Variants in RIOX2 observed in about 807,000 individuals in gnomAD.
RIOX2 encodes the protein 60S ribosomal protein L27a histidine hydroxylase.
Under a neutral mutation model 51.2 loss-of-function variants are expected in RIOX2, and 43 were observed. The observed-to-expected ratio is 0.84, with a 90% CI of 0.66 to 1.08. The LOEUF is 1.08. Among genes scored for constraint, RIOX2 ranks in the 50% least tolerant of loss-of-function variants. The pLI is 0.00. For missense variants in RIOX2, 566 were observed against 561.7 expected, an observed-to-expected ratio of 1.01 and a Z score of -0.08; for synonymous variants, 226 against 218.5, an observed-to-expected ratio of 1.03 and a Z score of -0.30.
At chr3:97,961,025 T>G (rs1013062231) in intron 3 of RIOX2, among the ~76,000 whole-genome samples, 1 of 152,306 alleles carries the variant, frequency 6.6e-6, no homozygotes, top group Non-Finnish European at 1.5e-5. Context: ...CACCTTATAT[T>G]AGGACAAAAA....
chr3:97,943,411 C>A lies in RIOX2; in HGVS notation c.*1773G>T. Reference sequence around the variant, plus strand: ...CGTGGAAAGGAAGCTACTGTCCTCACACTCCTGGATCACTGAGCAGAATGA... The same window carrying A: ...CGTGGAAAGGAAGCTACTGTCCTCAAACTCCTGGATCACTGAGCAGAATGA... On this transcript the variant is annotated 3_prime_UTR_variant, in exon 10 of 10. Transcript: ENST00000394198. 1.4e-6 allele frequency: 1 copy of A among 720,560 alleles called. No individual in the cohort carries two copies. Among genetic ancestry groups the A allele is most frequent in the Non-Finnish European group, 2.4e-6 (1 of 411,760 alleles). The allele number at this position is 720,560 out of a possible 1,614,324, so 44.6% of individuals were successfully genotyped here. A position where few individuals can be genotyped will look rare whatever the true frequency, so the allele number is the denominator to read the frequency against.
At chr3:97,971,717 G>A (rs553208257) in intron 1 of RIOX2, 4 of 152,256 alleles carry the variant, frequency 2.6e-5, no homozygotes, top group East Asian at 1.9e-4. Context: ...CATGAAACCC[G>A]AGGCACCAGA....
At position 97,943,288 on chromosome 3, in the gene RIOX2, C is replaced by G; in HGVS notation, c.*1896G>C. ...TCAGCCCCTGGAGGGAGAAGAAACA[C>G]AGAAATGGGACATTGAAATATTGTG... On this transcript the variant is annotated 3_prime_UTR_variant, in exon 10 of 10. Transcript: ENST00000394198. 1 of 1,584,300 alleles carries G rather than the reference C, an allele frequency of 6.3e-7. No homozygotes were observed. Among genetic ancestry groups the G allele is most frequent in the Non-Finnish European group, 8.7e-7 (1 of 1,154,590 alleles).
chr3:97,958,814 T>C (rs1375129086), intron 4 of RIOX2, among the ~76,000 whole-genome samples: 2 of 152,172 alleles, frequency 1.3e-5, no homozygotes, highest in Non-Finnish European at 2.9e-5. Context: ...ACAGGTTATT[T>C]GGGAAATGAA....
intron 5 of RIOX2, among the ~76,000 whole-genome samples, chr3:97,952,752 T>C (rs1245064340): frequency 6.6e-6 from 1 of 152,002 alleles, no homozygotes; most frequent in East Asian, 1.9e-4. Flanking sequence ...TAGCCTGGAG[T>C]TTCTAGGACT....
chr3:97,947,805 T>C (rs546954487), intron 7 of RIOX2, among the ~76,000 whole-genome samples: 2 of 152,336 alleles, frequency 1.3e-5, no homozygotes, highest in South Asian at 4.1e-4. Flanking sequence ...CTCTACAAGC[T>C]TCTCGCTCAA....
At chr3:97,970,183 A>G (rs1377928229) in intron 1 of RIOX2, among the ~76,000 whole-genome samples, 1 of 152,246 alleles carries the variant, frequency 6.6e-6, no homozygotes, top group African/African-American at 2.4e-5. Context: ...AAAACACTTA[A>G]GCCAAAATAA....
At chr3:97,960,086 C>T (rs755002357) in intron 3 of RIOX2, among the ~76,000 whole-genome samples, 3 of 152,168 alleles carry the variant, frequency 2.0e-5, no homozygotes, top group Non-Finnish European at 2.9e-5. Context: ...CTCAACAGTT[C>T]TTGTGTATTT....
At chr3:97,949,736 A>T in intron 7 of RIOX2, 108 bp downstream of exon 7, 1 of 1,000,110 alleles carries the variant, frequency 1.0e-6, no homozygotes, top group Non-Finnish European at 1.5e-6. Context: ...CCACATTAAC[A>T]CGAAAGCACT....
Position 97,954,493 on chromosome 3 carries a change from C to T in RIOX2, c.684G>A (p.Pro228=), listed in dbSNP as rs138253657. The change falls in exon 5 of 10, where the codon CCG becomes CCA. Residue 228 remains proline, a splice_region_variant and synonymous_variant. Transcript: ENST00000394198. ...CTCTGGGAAAGTACAACAAATCACC[C>T]GGCTAAAGGAAGGAATAGGAAAGGG... is the stretch of plus-strand genomic sequence containing the variant. ...GRPVHEFMLK[P]GDLLYFPRGT... is the part of the protein sequence containing the mutation. 1.9e-5 allele frequency: 30 copies of T among 1,613,384 alleles called. No homozygotes were observed. Among genetic ancestry groups the T allele is most frequent in the South Asian group, 5.5e-5 (5 of 90,978 alleles).
intron 5 of RIOX2, 30 bp from the exon 6 acceptor site, chr3:97,950,918 A>C (rs768172793): frequency 2.6e-6 from 4 of 1,516,462 alleles, no homozygotes; most frequent in South Asian, 2.2e-5. Context: ...GGAAAAAAAA[A>C]CCAAAACAGT....
intron 5 of RIOX2, chr3:97,952,297 T>C (rs375690002): frequency 1.7e-6 from 2 of 1,169,220 alleles, no homozygotes; most frequent in Non-Finnish European, 2.3e-6. Context: ...ACATTGATCA[T>C]GGTACCCACC....
Position 97,962,371 on chromosome 3 carries a change from C to T in RIOX2, c.433-663G>A, listed in dbSNP as rs7647389. The stretch of plus-strand genomic sequence containing the variant: ...GAATGCTAAGACCCCCCCCCCCCCC[C>T]CCACATGGAGATGTCTTTAAGTCGG... On this transcript the variant is annotated intron_variant, in intron 2 of 9. Transcript: ENST00000394198. Among the ~76,000 whole-genome samples, 10 of 118,402 alleles carry T rather than the reference C, an allele frequency of 8.4e-5. 1 individual carries two copies. Among genetic ancestry groups the T allele is most frequent in the Admixed American group, 3.3e-4 (4 of 12,196 alleles). 77.7% of individuals were successfully genotyped at this position (118,402 alleles called of 152,430 possible).
At position 97,959,187 on chromosome 3, in the gene RIOX2, C is replaced by T. The variant is rs762899401; in HGVS notation, c.553-8G>A. ...CAGCTGCAGGATGAAAACCTAGAGA[C>T]CCACAAGGCCCAGGAGCATCAGAGA... is the stretch of plus-strand genomic sequence containing the variant. On this transcript the variant is annotated splice_polypyrimidine_tract_variant and splice_region_variant and intron_variant, in intron 3 of 9. Coordinates refer to ENST00000394198, the MANE Select transcript of RIOX2 (RefSeq NM_153182.4). 2 of 1,611,968 alleles carry T rather than the reference C, an allele frequency of 1.2e-6. No individual in the cohort carries two copies. The highest frequency in any genetic ancestry group is 1.3e-5 in the African/African-American group (1 of 74,836).
Position 97,942,306 on chromosome 3 carries a change from TG to T in RIOX2, c.*2877del, listed in dbSNP as rs2040248952. The T allele has an allele frequency of 1.2e-6, 2 of 1,610,560 alleles. No homozygotes were observed. On this transcript the variant is annotated 3_prime_UTR_variant, in exon 10 of 10. Transcript: ENST00000394198. ...TAGGCCAGTGATACATGTCTTGATG[TG>T]ATTGGTGGCCGGGACACACCTGGAG...
rs768796973 is a variant in RIOX2 at position 97,942,436 on chromosome 3, T to C, written c.*2748A>G. 3.1e-6 allele frequency: 5 copies of C among 1,609,520 alleles called. No individual in the cohort carries two copies. The highest frequency in any genetic ancestry group is 4.2e-6 in the Non-Finnish European group (5 of 1,177,338). ...ATCTCAGTGATCAACTTGTCCTTGA[T>C]GTTAAAGGTGGGCCTTTGATGATAC... On this transcript the variant is annotated 3_prime_UTR_variant, in exon 10 of 10. Transcript: ENST00000394198.
rs759303274 is a variant in RIOX2 at position 97,949,887 on chromosome 3, G to C, written c.1017C>G (p.Leu339=). Residue 339 remains leucine, a synonymous_variant, in exon 7 of 10, where the codon CTC becomes CTG. Coordinates refer to ENST00000394198, the MANE Select transcript of RIOX2 (RefSeq NM_153182.4). The part of the protein sequence containing the change: ...DMKKDFIMHR[L]PPYSAGDGAE... ...CCCCATCTCCCGCAGAGTAAGGGGG[G>C]AGTCTGTGCATAATAAAATCCTTCT... 1.2e-6 allele frequency: 2 copies of C among 1,613,744 alleles called. No homozygotes were observed. Among genetic ancestry groups the C allele is most frequent in the Non-Finnish European group, 1.7e-6 (2 of 1,179,938 alleles).
chr3:97,958,083 A>C (rs1158239007), intron 4 of RIOX2, among the ~76,000 whole-genome samples: 1 of 152,216 alleles, frequency 6.6e-6, no homozygotes, highest in Middle Eastern at 3.2e-3. Flanking sequence ...TATTGATTTA[A>C]GTCTCCTGTA....
Position 97,945,249 on chromosome 3 carries a change from T to TAGTA in RIOX2, c.1329_1332dup (p.Thr445TyrfsTer4). On this transcript the variant is annotated frameshift_variant, in exon 10 of 10. Coordinates refer to ENST00000394198, the MANE Select transcript of RIOX2 (RefSeq NM_153182.4). LOFTEE classifies it high-confidence loss of function. ...ACCAGGCTTTCCTTTTCCTCATCTGTAGTAAGTTTCAGGTCCTTGACAGAA... is the reference window on the plus strand; with the variant it reads ...ACCAGGCTTTCCTTTTCCTCATCTGTAGTAAGTAAGTTTCAGGTCCTTGACAGAA... 1 of 1,612,788 alleles carries TAGTA rather than the reference T, an allele frequency of 6.2e-7. No individual in the cohort carries two copies. The highest frequency in any genetic ancestry group is 1.1e-5 in the South Asian group (1 of 91,014).
Sources: allele counts gnomAD v4.1 joint callset (sites outside exome capture counted in the v4.1 genomes callset), GRCh38; gene constraint gnomAD v4.1.1; transcripts MANE v1.5; gene names NCBI Gene and HGNC (gene_info 2026-07-23, HGNC 2026-07-21).